KCNMA1: variants seen among roughly 807,000 people sequenced by gnomAD.
The protein encoded by KCNMA1 is Calcium-activated potassium channel subunit alpha-1.
A neutral mutation model predicts 140.0 loss-of-function variants in KCNMA1; 29 were observed. The observed-to-expected ratio is 0.21, with a 90% CI of 0.15 to 0.28. The LOEUF (loss-of-function observed/expected upper bound fraction) is 0.28, where lower values mean the gene tolerates loss of function less well. Ranked by LOEUF, KCNMA1 falls within the 10% of genes least tolerant of loss-of-function variation. The probability of loss-of-function intolerance (pLI) is 1.00; values close to 1 mark genes in which losing one functional copy is unlikely to be tolerated. For missense variants in KCNMA1, 880 were observed against 1,602.2 expected, an observed-to-expected ratio of 0.55 and a Z score of 7.70; for synonymous variants, 612 against 611.9, an observed-to-expected ratio of 1.00 and a Z score of 0.00.
intron 23 of KCNMA1, among the ~76,000 whole-genome samples, chr10:76,915,730 A>G (rs945501729): frequency 4.6e-5 from 7 of 152,182 alleles, no homozygotes; most frequent in Admixed American, 1.3e-4. Context: ...CTCAGTTTTC[A>G]CAGAGTTCTG....
chr10:77,098,784 G>A lies in KCNMA1; in HGVS notation c.1224-8274C>T, dbSNP rs574642770. 4.6e-5 allele frequency among the ~76,000 whole-genome samples: 7 copies of A among 151,700 alleles called. No homozygotes were observed. The East Asian group carries it at 1.2e-3, about 25-fold the overall frequency. ...TCTTTCCTTCCTTCCTCTCTGGAAG[G>A]GGAATTCTGCAGCTTTCTTCAGTAA... On this transcript the variant is annotated intron_variant, in intron 9 of 27. Coordinates refer to ENST00000286628, the MANE Select transcript of KCNMA1 (RefSeq NM_001161352.2).
chr10:77,010,290 C>T (rs1161961200), intron 18 of KCNMA1, among the ~76,000 whole-genome samples: 1 of 152,118 alleles, frequency 6.6e-6, no homozygotes, highest in African/African-American at 2.4e-5. Context: ...GTCTGGTCAA[C>T]TCATCCGTGC....
intron 2 of KCNMA1, among the ~76,000 whole-genome samples, chr10:77,391,235 G>A (rs181255915): frequency 3.3e-4 from 50 of 152,236 alleles, no homozygotes; most frequent in African/African-American, 1.1e-3. Flanking sequence ...TCCCAGGGAC[G>A]TGGTGCAAAC....
intron 1 of KCNMA1, among the ~76,000 whole-genome samples, chr10:77,581,571 C>T (rs937522995): frequency 2.0e-5 from 3 of 152,236 alleles, no homozygotes; most frequent in Non-Finnish European, 4.4e-5. Flanking sequence ...TCCCAAAGTG[C>T]TGGGATTACA....
At chr10:76,997,273 C>T (rs979655515) in intron 19 of KCNMA1, among the ~76,000 whole-genome samples, 18 of 152,080 alleles carry the variant, frequency 1.2e-4, no homozygotes, top group Non-Finnish European at 2.2e-4. Context: ...TATTTATACC[C>T]AAAATAAAAG....
chr10:77,448,404 A>G (rs1037047302), intron 1 of KCNMA1, among the ~76,000 whole-genome samples: 1 of 152,216 alleles, frequency 6.6e-6, no homozygotes, highest in Non-Finnish European at 1.5e-5. Context: ...CAACCTACCA[A>G]CAAAGACGAT....
chr10:77,157,100 A>G (rs1414375200), intron 5 of KCNMA1, among the ~76,000 whole-genome samples: 2 of 152,202 alleles, frequency 1.3e-5, no homozygotes, highest in African/African-American at 4.8e-5. Flanking sequence ...GGGAAAATCC[A>G]CTGGGTGACT....
rs1053713215 is a variant in KCNMA1, at chr10:77,404,807, C to T, written c.379-784G>A. Among the ~76,000 whole-genome samples, 4 of 152,282 alleles carry T rather than the reference C, an allele frequency of 2.6e-5. No individual in the cohort carries two copies. In the East Asian group the frequency reaches 7.7e-4, roughly 29 times the overall value. On this transcript the variant is annotated intron_variant, in intron 1 of 27. Transcript: ENST00000286628. ...ACATTGGAGTCCTTTCTACCCCCTG[C>T]CAACAGCAATTGGGCCATTAATAAT...
At chr10:77,290,295 G>A (rs868303094) in intron 2 of KCNMA1, among the ~76,000 whole-genome samples, 30 of 152,278 alleles carry the variant, frequency 2.0e-4, no homozygotes, top group Non-Finnish European at 3.5e-4. Context: ...AATTTTAAAT[G>A]GAAATAGTTG....
At chr10:77,169,563 A>T (rs1234114821) in intron 5 of KCNMA1, among the ~76,000 whole-genome samples, 9 of 151,796 alleles carry the variant, frequency 5.9e-5, no homozygotes, top group South Asian at 2.1e-4. Flanking sequence ...CTAATTTTTT[A>T]AAAAAATTTT....
chr10:77,122,453 T>C (rs758256386), intron 5 of KCNMA1, among the ~76,000 whole-genome samples: 2 of 151,938 alleles, frequency 1.3e-5, no homozygotes, highest in African/African-American at 4.8e-5. Context: ...CAGTTGTAAC[T>C]GAGCTGATGA....
At chr10:77,061,651 C>T (rs992721764) in intron 14 of KCNMA1, among the ~76,000 whole-genome samples, 4 of 152,126 alleles carry the variant, frequency 2.6e-5, no homozygotes, top group East Asian at 1.9e-4. Flanking sequence ...AATCCTAATT[C>T]GAGATACTTA....
At chr10:77,228,245 G>A (rs866609550) in intron 3 of KCNMA1, among the ~76,000 whole-genome samples, 8 of 152,038 alleles carry the variant, frequency 5.3e-5, no homozygotes, top group Admixed American at 1.3e-4. Flanking sequence ...GATTACAGGC[G>A]TGAGCCACCA....
At chr10:76,878,735 G>A (rs1049258959) in intron 29 of KCNMA1, among the ~76,000 whole-genome samples, 1 of 152,130 alleles carries the variant, frequency 6.6e-6, no homozygotes, top group African/African-American at 2.4e-5. Context: ...GCGTTTGGGG[G>A]CTGGGGTGAG....
At chr10:77,330,529 C>T (rs1374006264) in intron 2 of KCNMA1, among the ~76,000 whole-genome samples, 1 of 152,208 alleles carries the variant, frequency 6.6e-6, no homozygotes, top group Non-Finnish European at 1.5e-5. Context: ...AATGACCCCT[C>T]CTTATCTGGA....
At position 77,224,375 on chromosome 10, in the gene KCNMA1, T is replaced by A. The variant is rs553768983; in HGVS notation, c.602+26820A>T. On this transcript the variant is annotated intron_variant, in intron 3 of 27. Coordinates refer to ENST00000286628, the MANE Select transcript of KCNMA1 (RefSeq NM_001161352.2). ...TGGAGCTGAGCACGTGGATTTCACA[T>A]CTTCTCCTCTTTTCAGTATAGCTCT... 8.5e-5 allele frequency among the ~76,000 whole-genome samples: 13 copies of A among 152,332 alleles called. No individual in the cohort carries two copies. The South Asian group carries it at 2.5e-3, about 29-fold the overall frequency.
intron 6 of KCNMA1, among the ~76,000 whole-genome samples, chr10:77,112,660 A>T (rs1490556818): frequency 3.3e-5 from 5 of 152,224 alleles, no homozygotes; most frequent in Admixed American, 1.3e-4. Flanking sequence ...GTAAAAATTA[A>T]CTTTTATTTA....
intron 1 of KCNMA1, among the ~76,000 whole-genome samples, chr10:77,428,382 AAACT>A (rs1376259803): frequency 5.3e-5 from 8 of 152,166 alleles, no homozygotes; most frequent in African/African-American, 1.7e-4. Flanking sequence ...GTCTCTAATG[AAACT>A]AAGCACAGGA....
At chr10:77,236,572 T>C (rs1012112837) in intron 3 of KCNMA1, among the ~76,000 whole-genome samples, 5 of 152,242 alleles carry the variant, frequency 3.3e-5, no homozygotes, top group Non-Finnish European at 7.3e-5. Context: ...GCAAGTATGC[T>C]GGCTTCTACA....
Sources: gnomAD v4.1 joint callset for allele counts (sites outside exome capture counted in the v4.1 genomes callset) on GRCh38, gnomAD v4.1.1 for gene constraint, MANE v1.5 for transcripts, NCBI Gene and HGNC (gene_info 2026-07-23, HGNC 2026-07-21) for gene names.